GPSM1: variants seen among roughly 807,000 people sequenced by gnomAD.
The protein encoded by GPSM1 is G protein signaling modulator 1, also known as G protein-signaling modulator 1.
In GPSM1, 48 loss-of-function variants were observed where a neutral mutation model predicts 70.5. The observed-to-expected ratio is 0.68, with a 90% CI of 0.54 to 0.87. The LOEUF (loss-of-function observed/expected upper bound fraction) is 0.87, where lower values mean the gene tolerates loss of function less well. Ranked by LOEUF, GPSM1 falls within the 40% of genes least tolerant of loss-of-function variation. The pLI is 0.00. For synonymous variants in GPSM1, 416 were observed against 430.1 expected (o/e 0.97, Z 0.41); for missense variants, 981 against 972.6 (o/e 1.01, Z -0.11).
In GPSM1 at chr9:136,338,715, G is replaced by A. The variant is rs376657153; in HGVS notation, c.974+5G>A. 3.0e-4 allele frequency: 467 copies of A among 1,546,344 alleles called. No individual in the cohort carries two copies. The highest frequency in any genetic ancestry group is 3.9e-4 in the Admixed American group (20 of 51,042). ...TGCCCAGGAGCTGGCCGACAGGTGCGTGGGCGCGGACGCGGCGGGCAGACC... is the reference window on the plus strand; with the variant it reads ...TGCCCAGGAGCTGGCCGACAGGTGCATGGGCGCGGACGCGGCGGGCAGACC... On this transcript the variant is annotated splice_donor_5th_base_variant and intron_variant, in intron 7 of 13. Transcript: ENST00000440944.
At chr9:136,334,738 T>C in intron 2 of GPSM1, 70 bp downstream of exon 2, 1 of 1,271,304 alleles carries the variant, frequency 7.9e-7, no homozygotes, top group Middle Eastern at 2.7e-4. Flanking sequence ...GGGACGGCCC[T>C]GCTGGTGGGT....
intron 1 of GPSM1, among the ~76,000 whole-genome samples, chr9:136,331,584 C>T (rs1554768496): frequency 2.6e-5 from 4 of 152,198 alleles, no homozygotes; most frequent in Admixed American, 2.0e-4. Context: ...CTCTGGACGC[C>T]ATTCCTCTTT....
chr9:136,337,312 T>G (rs1297652496), intron 4 of GPSM1, 129 bp from the exon 5 acceptor site: 6 of 1,408,852 alleles, frequency 4.3e-6, no homozygotes, highest in Non-Finnish European at 5.7e-6. Flanking sequence ...CCCTGGAGCC[T>G]ACCCTAGCCA....
chr9:136,345,543 C>T (rs782154765), intron 9 of GPSM1, among the ~76,000 whole-genome samples: 2 of 152,254 alleles, frequency 1.3e-5, no homozygotes, highest in Non-Finnish European at 2.9e-5. Flanking sequence ...GCCGCTGCTG[C>T]AGCCAGGGCC....
At chr9:136,356,204 G>A in intron 12 of GPSM1, 138 bp from the exon 13 acceptor site, 1 of 708,492 alleles carries the variant, frequency 1.4e-6, no homozygotes, top group South Asian at 1.9e-5. Context: ...GGTCAGCGGA[G>A]ACTCCCCCAG....
At chr9:136,354,935 TG>T (rs1475957229) in intron 11 of GPSM1, 1 of 1,027,108 alleles carries the variant, frequency 9.7e-7, no homozygotes, top group Admixed American at 6.0e-5. Flanking sequence ...CTGGGGAGGC[TG>T]GCCCAGGGCA....
Position 136,339,759 on chromosome 9 carries a change from G to A in GPSM1, c.1027G>A (p.Gly343Arg). ...CCTGGGAAATGCCTACGTGTCCATG[G>A]GGCGCCCAGCGCAGGCCCTGACCTT... ...WSLGNAYVSM[G>R]RPAQALTFAK... is the part of the protein sequence containing the mutation. Residue 343 changes from glycine (G) to arginine (R), a missense_variant, in exon 8 of 14, where the codon GGG becomes AGG. Physicochemically the swap from Gly to Arg is moderately radical, Grantham distance 125. Coordinates refer to ENST00000440944, the MANE Select transcript of GPSM1 (RefSeq NM_001145638.3). 2 of 1,550,240 alleles carry A rather than the reference G, an allele frequency of 1.3e-6. No individual in the cohort carries two copies. The highest frequency in any genetic ancestry group is 8.7e-7 in the Non-Finnish European group (1 of 1,146,742).
At position 136,348,873 on chromosome 9, in the gene GPSM1, G is replaced by A. The variant is rs1471869038; in HGVS notation, c.1278+106G>A. The A allele has an allele frequency of 7.1e-6, 6 of 844,652 alleles. No homozygotes were observed. In the Admixed American group the frequency reaches 1.1e-4, roughly 16 times the overall value. The allele number at this position is 844,652 out of a possible 1,614,324, so 52.3% of individuals were successfully genotyped here. On this transcript the variant is annotated intron_variant, in intron 10 of 13. Coordinates refer to ENST00000440944, the MANE Select transcript of GPSM1 (RefSeq NM_001145638.3). Reference sequence around the variant, plus strand: ...CCACCCACCTCAGCCCCTGTCTGCTGGGAGATAAATGTGCCCTCCTCGGCC... The same window carrying A: ...CCACCCACCTCAGCCCCTGTCTGCTAGGAGATAAATGTGCCCTCCTCGGCC...
At chr9:136,333,176 G>GC (rs1832142986) in intron 1 of GPSM1, among the ~76,000 whole-genome samples, 1 of 152,206 alleles carries the variant, frequency 6.6e-6, no homozygotes, top group Non-Finnish European at 1.5e-5. Flanking sequence ...ACCTCCTGGG[G>GC]CCCCCCAAGC....
At position 136,339,290 on chromosome 9, in the gene GPSM1, C is replaced by A. The variant is rs185490788; in HGVS notation, c.975-417C>A. ...GATCAAATTCCTGTTAGACGCATTT[C>A]CCTCCAATATAAAAACAACCCCCTC... On this transcript the variant is annotated intron_variant, in intron 7 of 13. Transcript: ENST00000440944. Among the ~76,000 whole-genome samples, 929 of 152,372 alleles carry A rather than the reference C, an allele frequency of 6.1e-3. 7 individuals carry two copies. The highest frequency in any genetic ancestry group is 0.017 in the South Asian group (80 of 4,834).
chr9:136,357,026 G>A (rs1275973755), intron 13 of GPSM1, among the ~76,000 whole-genome samples: 2 of 152,232 alleles, frequency 1.3e-5, no homozygotes, highest in African/African-American at 4.8e-5. Flanking sequence ...GGACGGCATG[G>A]GCGGAGGGTC....
intron 11 of GPSM1, chr9:136,354,882 C>T (rs943085550): frequency 1.4e-5 from 14 of 1,013,564 alleles, no homozygotes; most frequent in Non-Finnish European, 1.7e-5. Context: ...ACAGGAGGCA[C>T]GGGAGGCTTC....
intron 2 of GPSM1, 151 bp from the exon 3 acceptor site, chr9:136,335,815 C>T: frequency 2.5e-6 from 2 of 795,596 alleles, no homozygotes; most frequent in Non-Finnish European, 3.9e-6. Context: ...CCTGTGGGCC[C>T]CTGCCCAGTA....
intron 11 of GPSM1, chr9:136,354,726 T>A (rs74559375): frequency 0.1 from 73,338 of 726,452 alleles, 4,096 homozygotes; most frequent in East Asian, 0.13. Context: ...CCCTCCAGCC[T>A]CCCTTGTTTG....
chr9:136,353,052 G>C (rs1832714431), intron 11 of GPSM1: 2 of 983,018 alleles, frequency 2.0e-6, no homozygotes, highest in South Asian at 9.4e-5. Flanking sequence ...TGGCACTTTG[G>C]GCAGGGCGGT....
In GPSM1 at chr9:136,358,986, C is replaced by G. The variant is rs1437304066; in HGVS notation, c.*766C>G. On this transcript the variant is annotated 3_prime_UTR_variant, in exon 14 of 14. Coordinates refer to ENST00000440944, the MANE Select transcript of GPSM1 (RefSeq NM_001145638.3). ...ACTGGCAGCAAGAGCAGTGCCCAGT[C>G]AGGGTGGGAGGTAGCACCAGGCTCT... 6.6e-6 allele frequency: 1 copy of G among 152,418 alleles called. No individual in the cohort carries two copies. Among genetic ancestry groups the G allele is most frequent in the African/African-American group, 2.4e-5 (1 of 41,446 alleles). 9.4% of individuals were successfully genotyped at this position (152,418 alleles called of 1,614,324 possible).
At position 136,332,335 on chromosome 9, in the gene GPSM1, C is replaced by T. The variant is rs118181906; in HGVS notation, c.69-2112C>T. On this transcript the variant is annotated intron_variant, in intron 1 of 13. Coordinates refer to ENST00000440944, the MANE Select transcript of GPSM1 (RefSeq NM_001145638.3). ...AGGTGCAGAATGACAGAGGCCCATCCGTGCACCCATCCCCGACTTTTAGGC... is the reference window on the plus strand; with the variant it reads ...AGGTGCAGAATGACAGAGGCCCATCTGTGCACCCATCCCCGACTTTTAGGC... 2.6e-4 allele frequency among the ~76,000 whole-genome samples: 40 copies of T among 152,336 alleles called. No homozygotes were observed. The East Asian group carries it at 6.9e-3, about 26-fold the overall frequency.
chr9:136,329,288 C>G (rs28687338), intron 1 of GPSM1, among the ~76,000 whole-genome samples: 49,867 of 152,108 alleles, frequency 0.33, 9,253 homozygotes, highest in Middle Eastern at 0.49. Context: ...GGGCCTGTGA[C>G]GAGGTCCCCC....
At chr9:136,355,066 T>C (rs1832779010) in intron 11 of GPSM1, 2 of 451,694 alleles carry the variant, frequency 4.4e-6, no homozygotes, top group Non-Finnish European at 2.6e-6. Flanking sequence ...GTGCCGAGGG[T>C]GGATGACACA....
Sources: gnomAD v4.1 joint callset for allele counts (sites outside exome capture counted in the v4.1 genomes callset) on GRCh38, gnomAD v4.1.1 for gene constraint, MANE v1.5 for transcripts, NCBI Gene and HGNC (gene_info 2026-07-23, HGNC 2026-07-21) for gene names.